Variants in RAP1GAP2 observed in about 807,000 individuals in gnomAD.
The protein encoded by RAP1GAP2 is RAP1 GTPase activating protein 2, also known as rap1 GTPase-activating protein 2.
Under a neutral mutation model 95.0 loss-of-function variants are expected in RAP1GAP2, and 27 were observed. That is an observed-to-expected ratio of 0.28 (90% CI 0.21 to 0.39). RAP1GAP2 has a LOEUF of 0.39. Ranked by LOEUF, RAP1GAP2 falls within the 10% of genes least tolerant of loss-of-function variation. The pLI is 1.00. For synonymous variants in RAP1GAP2, 373 were observed against 380.9 expected, an observed-to-expected ratio of 0.98 and a Z score of 0.24; for missense variants, 771 against 970.0, an observed-to-expected ratio of 0.79 and a Z score of 2.72.
chr17:2,957,091 G>C (rs896134492), intron 3 of RAP1GAP2, among the ~76,000 whole-genome samples: 2 of 149,398 alleles, frequency 1.3e-5, no homozygotes, highest in Non-Finnish European at 3.0e-5. Flanking sequence ...TTGCGCCACT[G>C]CACTCCAGCC....
intron 8 of RAP1GAP2, among the ~76,000 whole-genome samples, chr17:2,974,288 G>T (rs1349880546): frequency 2.6e-5 from 4 of 151,812 alleles, no homozygotes; most frequent in Non-Finnish European, 4.4e-5. Flanking sequence ...GGCGGAGCTT[G>T]TAGTGAGCCG....
At chr17:3,006,118 A>AT (rs2046323749) in intron 16 of RAP1GAP2, 77 bp downstream of exon 16, 5 of 720,050 alleles carry the variant, frequency 6.9e-6, no homozygotes, top group Admixed American at 3.1e-5. Flanking sequence ...GGGCTCCTCC[A>AT]TCTTTTTTTT....
At chr17:2,774,086 A>G (rs1005120621), upstream of RAP1GAP2, among the ~76,000 whole-genome samples, 1 of 152,126 alleles carries the variant, frequency 6.6e-6, no homozygotes, top group Non-Finnish European at 1.5e-5. Context: ...AACAGGGGTA[A>G]AGGATAAATG....
At position 2,904,893 on chromosome 17, in the gene RAP1GAP2, T is replaced by A. The variant is rs1019917161; in HGVS notation, c.81-391T>A. 3.9e-5 allele frequency among the ~76,000 whole-genome samples: 6 copies of A among 152,158 alleles called. No homozygotes were observed. The highest frequency in any genetic ancestry group is 2.1e-4 in the South Asian group (1 of 4,814). On this transcript the variant is annotated intron_variant, in intron 2 of 24. Transcript: ENST00000254695. The surrounding 1 kb of genome is among the most constrained non-coding windows in gnomAD (Gnocchi z 4.7). ...GGTTTCTGCATTGTATTTTTTTTTT[T>A]AATTGGAAACGGAGTTTCATTCTTG...
At chr17:2,891,823 T>TC (rs1241669323) in intron 2 of RAP1GAP2, among the ~76,000 whole-genome samples, 4 of 114,522 alleles carry the variant, frequency 3.5e-5, no homozygotes, top group Non-Finnish European at 7.2e-5. Flanking sequence ...TCTTTTTTTT[T>TC]TTTTTTTTTT....
chr17:2,771,479 C>CTTTTTGGTTTTTT, intron 2 of RAP1GAP2, among the ~76,000 whole-genome samples: 1 of 131,788 alleles, frequency 7.6e-6, no homozygotes. Context: ...ATCAAAGCCA[C>CTTTTTGGTTTTTT]TTTTTTGTTT....
At chr17:2,970,525 T>C (rs2044822365) in intron 8 of RAP1GAP2, among the ~76,000 whole-genome samples, 1 of 152,200 alleles carries the variant, frequency 6.6e-6, no homozygotes, top group Admixed American at 6.5e-5. Context: ...TCAAAGTGCT[T>C]CTTATTCCAA....
At chr17:3,013,060 A>T (rs931184717) in intron 17 of RAP1GAP2, among the ~76,000 whole-genome samples, 1 of 152,184 alleles carries the variant, frequency 6.6e-6, no homozygotes, top group Non-Finnish European at 1.5e-5. Flanking sequence ...GCTGGCTGTG[A>T]TGGACCCGGG....
chr17:2,845,600 C>T lies in RAP1GAP2; in HGVS notation c.80+45050C>T, dbSNP rs144288583. Among the ~76,000 whole-genome samples the T allele has an allele frequency of 1.7e-3, 252 of 152,246 alleles. 2 individuals are homozygous for T. The highest frequency in any genetic ancestry group is 5.5e-3 in the Admixed American group (84 of 15,282). ...CTTATCAGCTGGGTGTGGTGGCTCA[C>T]GCCTGTAATCCCAGCACTTTGAGAG... On this transcript the variant is annotated intron_variant, in intron 2 of 24. Transcript: ENST00000254695.
chr17:2,824,146 A>G (rs1371913623), intron 2 of RAP1GAP2, among the ~76,000 whole-genome samples: 2 of 141,374 alleles, frequency 1.4e-5, no homozygotes, highest in Non-Finnish European at 3.1e-5. Context: ...AGAAAGAAAG[A>G]AAAAAAGAAA....
At chr17:3,018,276 C>T in intron 18 of RAP1GAP2, 78 bp downstream of exon 18, 4 of 1,484,922 alleles carry the variant, frequency 2.7e-6, no homozygotes, top group Admixed American at 2.7e-5. Flanking sequence ...AGAGTGCCCC[C>T]ACCCAGGCTT....
rs1462450913 is a variant in RAP1GAP2, at chr17:2,797,376, C to T, written c.44+805C>T. Reference sequence around the variant, plus strand: ...GAAGGCCAAAGGCTTGTCTCTGGTTCCCAGTGCTGGCAGCTTCTTCGCAGC... The same window carrying T: ...GAAGGCCAAAGGCTTGTCTCTGGTTTCCAGTGCTGGCAGCTTCTTCGCAGC... On this transcript the variant is annotated intron_variant, in intron 1 of 24. Coordinates refer to ENST00000254695, the MANE Select transcript of RAP1GAP2 (RefSeq NM_015085.5). The surrounding 1 kb of genome is among the most constrained non-coding windows in gnomAD (Gnocchi z 5.6). 6.6e-6 allele frequency among the ~76,000 whole-genome samples: 1 copy of T among 152,162 alleles called. No individual in the cohort carries two copies. The highest frequency in any genetic ancestry group is 1.5e-5 in the Non-Finnish European group (1 of 68,036).
intron 2 of RAP1GAP2, among the ~76,000 whole-genome samples, chr17:2,897,459 G>A (rs1178870084): frequency 6.6e-6 from 1 of 151,930 alleles, no homozygotes. Context: ...TGCCCAGGCT[G>A]GAATGCAGTG....
At chr17:2,914,476 C>T (rs532183568) in intron 3 of RAP1GAP2, among the ~76,000 whole-genome samples, 1 of 152,068 alleles carries the variant, frequency 6.6e-6, no homozygotes, top group South Asian at 2.1e-4. Flanking sequence ...ATATTCTAGT[C>T]AAGTTCGTTT....
intron 1 of RAP1GAP2, among the ~76,000 whole-genome samples, chr17:2,762,022 T>C (rs896165573): frequency 2.1e-5 from 3 of 139,990 alleles, no homozygotes; most frequent in Non-Finnish European, 4.6e-5. Context: ...GGAGTCTTGC[T>C]CTGTTGCCCA....
At chr17:2,986,932 G>A (rs970881963) in intron 11 of RAP1GAP2, among the ~76,000 whole-genome samples, 20 of 152,324 alleles carry the variant, frequency 1.3e-4, no homozygotes, top group African/African-American at 3.8e-4. Flanking sequence ...TAGGACATGT[G>A]GCTAGAGTTG....
At chr17:2,865,056 G>A (rs980237934) in intron 2 of RAP1GAP2, among the ~76,000 whole-genome samples, 2 of 152,146 alleles carry the variant, frequency 1.3e-5, no homozygotes, top group African/African-American at 4.8e-5. Flanking sequence ...AAAAGGGATG[G>A]CGTCTCCAAT....
chr17:2,939,296 G>T (rs1008046714), intron 3 of RAP1GAP2, among the ~76,000 whole-genome samples: 5 of 152,160 alleles, frequency 3.3e-5, no homozygotes, highest in Non-Finnish European at 7.4e-5. Context: ...CGCCATGTTG[G>T]CCAGGCTGGT....
At chr17:2,996,765 G>T (rs940056878) in intron 13 of RAP1GAP2, among the ~76,000 whole-genome samples, 1 of 152,210 alleles carries the variant, frequency 6.6e-6, no homozygotes, top group African/African-American at 2.4e-5. Flanking sequence ...TAAATATTAA[G>T]TTTCTCTTCC....
Sources: gnomAD v4.1 joint callset for allele counts (sites outside exome capture counted in the v4.1 genomes callset) on GRCh38, gnomAD v4.1.1 for gene constraint, Gnocchi (gnomAD v3.1) non-coding constraint, MANE v1.5 for transcripts, NCBI Gene and HGNC (gene_info 2026-07-23, HGNC 2026-07-21) for gene names.